ATP11C: variants seen among roughly 807,000 people sequenced by gnomAD.
ATP11C encodes ATPase phospholipid transporting 11C (ATP11C blood group), also known as phospholipid-transporting ATPase IG.
In ATP11C, 36 loss-of-function variants were observed where a neutral mutation model predicts 97.4. The ratio of observed to expected loss-of-function variants is 0.37; its 90% CI spans 0.28 to 0.49. The LOEUF (loss-of-function observed/expected upper bound fraction) is 0.49, where lower values mean the gene tolerates loss of function less well. Among genes scored for constraint, ATP11C ranks in the 20% least tolerant of loss-of-function variants. ATP11C has a pLI of 0.98. For synonymous variants in ATP11C, 275 were observed against 290.9 expected, an observed-to-expected ratio of 0.95 and a Z score of 0.56; for missense variants, 730 against 824.6, an observed-to-expected ratio of 0.89 and a Z score of 1.40.
chrX:139,854,916 AT>A (rs2084065623), intron 1 of ATP11C, among the ~76,000 whole-genome samples: 1 of 112,270 alleles, frequency 8.9e-6, no homozygotes, highest in South Asian at 3.6e-4. Context: ...TGAACTGGAC[AT>A]TAAAATAAAA....
rs184355234 is a variant in ATP11C at position 139,741,954 on chromosome X, C to G, written c.3031-860G>C. On this transcript the variant is annotated intron_variant, in intron 26 of 29. Coordinates refer to ENST00000682941, the MANE Select transcript of ATP11C (RefSeq NM_001353812.2). ...TCTGTTATAGTTTCTCATTTATAAA[C>G]AGGATGTTGATAACATTATTAATGT... 3.2e-4 allele frequency among the ~76,000 whole-genome samples: 36 copies of G among 111,752 alleles called. No individual in the cohort carries two copies. In the East Asian group the frequency reaches 8.5e-3, roughly 26 times the overall value.
intron 16 of ATP11C, 130 bp from the exon 17 acceptor site, chrX:139,783,397 C>A: frequency 2.5e-6 from 1 of 397,486 alleles, no homozygotes. Flanking sequence ...GCAATACTCA[C>A]CTAAATGGAA....
chrX:139,765,769 C>T (rs971628717), intron 20 of ATP11C, among the ~76,000 whole-genome samples: 5 of 111,511 alleles, frequency 4.5e-5, no homozygotes, highest in African/African-American at 1.3e-4. Context: ...TAGGAAGAAC[C>T]GGAGGAAAGC....
intron 1 of ATP11C, among the ~76,000 whole-genome samples, chrX:139,831,722 T>C (rs978352617): frequency 9.0e-6 from 1 of 111,702 alleles, no homozygotes; most frequent in East Asian, 2.8e-4. Context: ...CTAACAGGAA[T>C]TTTATCTTTT....
At chrX:139,774,606 C>T (rs2082314303) in intron 19 of ATP11C, 84 bp downstream of exon 19, 1 of 871,247 alleles carries the variant, frequency 1.1e-6, no homozygotes, top group Non-Finnish European at 1.6e-6. Context: ...TCATGCATTA[C>T]AGAAAATGAA....
intron 1 of ATP11C, among the ~76,000 whole-genome samples, chrX:139,920,130 C>A (rs2085233240): frequency 9.1e-6 from 1 of 110,137 alleles, no homozygotes; most frequent in Non-Finnish European, 1.9e-5. Flanking sequence ...GAGGCCGAGC[C>A]GGGCGGATGA....
chrX:139,792,095 C>T (rs1043050383), intron 12 of ATP11C, among the ~76,000 whole-genome samples: 1 of 110,270 alleles, frequency 9.1e-6, no homozygotes, highest in African/African-American at 3.3e-5. Context: ...TTCAGCCCCA[C>T]ACCTGACCTG....
At chrX:139,862,850 C>T (rs2084224554) in intron 1 of ATP11C, among the ~76,000 whole-genome samples, 1 of 111,719 alleles carries the variant, frequency 9.0e-6, no homozygotes. Flanking sequence ...GTAGCAGTAT[C>T]ACACTGAAAA....
chrX:139,761,143 G>A (rs2082029345), intron 22 of ATP11C, among the ~76,000 whole-genome samples: 1 of 110,337 alleles, frequency 9.1e-6, no homozygotes, highest in Non-Finnish European at 1.9e-5. Context: ...AATCAGCCAG[G>A]TGTGGTGGCA....
intron 18 of ATP11C, among the ~76,000 whole-genome samples, chrX:139,782,177 A>C (rs2082473849): frequency 9.2e-6 from 1 of 109,181 alleles, no homozygotes; most frequent in Non-Finnish European, 1.9e-5. Context: ...ATACAAAAAA[A>C]TTAGCCGGGC....
intron 1 of ATP11C, among the ~76,000 whole-genome samples, chrX:139,907,066 A>T (rs1449823070): frequency 9.0e-6 from 1 of 110,751 alleles, no homozygotes; most frequent in South Asian, 3.9e-4. Flanking sequence ...AAAAACTGCA[A>T]CCCTCACCCC....
At chrX:139,775,742 G>C (rs750448907) in intron 18 of ATP11C, among the ~76,000 whole-genome samples, 6 of 112,706 alleles carry the variant, frequency 5.3e-5, no homozygotes, top group Admixed American at 3.7e-4. Context: ...GGCGATATAG[G>C]AGCTTCCCAG....
chrX:139,796,926 C>G lies in ATP11C; in HGVS notation c.1008+250G>C, dbSNP rs1290173781. Among the ~76,000 whole-genome samples the G allele has an allele frequency of 4.6e-5, 5 of 108,875 alleles. No individual in the cohort carries two copies. The East Asian group carries it at 1.4e-3, about 30-fold the overall frequency. 94.5% of individuals were successfully genotyped at this position (108,875 alleles called of 115,157 possible). ...GATGCCTAAAGTAAAAGAAAAAAAACTCTTTTTTTCTTTTCTTTTTCTTTC... is the reference window on the plus strand; with the variant it reads ...GATGCCTAAAGTAAAAGAAAAAAAAGTCTTTTTTTCTTTTCTTTTTCTTTC... On this transcript the variant is annotated intron_variant, in intron 11 of 29. Coordinates refer to ENST00000682941, the MANE Select transcript of ATP11C (RefSeq NM_001353812.2).
At chrX:139,858,191 T>C (rs1234459094) in intron 1 of ATP11C, among the ~76,000 whole-genome samples, 1 of 112,742 alleles carries the variant, frequency 8.9e-6, no homozygotes, top group Admixed American at 9.3e-5. Flanking sequence ...AAGAAATCAA[T>C]TTATTTTCAT....
chrX:139,775,888 G>A, intron 18 of ATP11C, among the ~76,000 whole-genome samples: 1 of 112,663 alleles, frequency 8.9e-6, no homozygotes, highest in East Asian at 2.8e-4. Flanking sequence ...CTGCCCTTGA[G>A]TTATCATACC....
chrX:139,933,653 C>A (rs1324543096), upstream of ATP11C, among the ~76,000 whole-genome samples: 3 of 112,221 alleles, frequency 2.7e-5, no homozygotes, highest in Non-Finnish European at 5.6e-5. Flanking sequence ...CACGAGTCTT[C>A]CGCCTCGCCG....
chrX:139,766,226 T>C (rs1205000839), intron 20 of ATP11C, among the ~76,000 whole-genome samples: 2 of 111,437 alleles, frequency 1.8e-5, no homozygotes, highest in African/African-American at 6.5e-5. Flanking sequence ...AAAAAATAAC[T>C]ATAGTGACAG....
chrX:139,786,732 C>G (rs6635906), intron 15 of ATP11C, among the ~76,000 whole-genome samples: 1 of 111,485 alleles, frequency 9.0e-6, no homozygotes, highest in African/African-American at 3.3e-5. Flanking sequence ...GTACTTGCCC[C>G]GAGGCTCACA....
At chrX:139,906,979 G>A (rs2084990546) in intron 1 of ATP11C, among the ~76,000 whole-genome samples, 1 of 110,978 alleles carries the variant, frequency 9.0e-6, no homozygotes, top group Non-Finnish European at 1.9e-5. Context: ...ACCCAAAATG[G>A]TATTTCTTGC....
Sources: allele counts gnomAD v4.1 joint callset (sites outside exome capture counted in the v4.1 genomes callset), GRCh38; gene constraint gnomAD v4.1.1; transcripts MANE v1.5; gene names NCBI Gene and HGNC (gene_info 2026-07-23, HGNC 2026-07-21).